The following TMEM108 variants were observed in gnomAD, a reference collection of about 807,000 sequenced individuals.
The protein encoded by TMEM108 is cancer/testis antigen 124.
A neutral mutation model predicts 35.1 loss-of-function variants in TMEM108; 12 were observed. The observed-to-expected ratio is 0.34, with a 90% CI of 0.22 to 0.55. The LOEUF (loss-of-function observed/expected upper bound fraction) is 0.55, where lower values mean the gene tolerates loss of function less well. Among genes scored for constraint, TMEM108 ranks in the 20% least tolerant of loss-of-function variants. The pLI is 0.89. For synonymous variants in TMEM108, 287 were observed against 308.6 expected (o/e 0.93, Z 0.73); for missense variants, 680 against 753.3 (o/e 0.90, Z 1.14).
At chr3:133,179,160 G>A (rs1362734247) in intron 2 of TMEM108, among the ~76,000 whole-genome samples, 1 of 150,738 alleles carries the variant, frequency 6.6e-6, no homozygotes, top group African/African-American at 2.4e-5. Context: ...GAAACAACAG[G>A]TGCTGGAGAG....
At chr3:133,090,936 T>C (rs1161343647) in intron 2 of TMEM108, among the ~76,000 whole-genome samples, 2 of 152,184 alleles carry the variant, frequency 1.3e-5, no homozygotes, top group African/African-American at 2.4e-5. Flanking sequence ...TTTTTTACTT[T>C]TATAAAAGTG....
At position 133,155,628 on chromosome 3, in the gene TMEM108, A is replaced by T. The variant is rs193081542; in HGVS notation, c.-46-73638A>T. Among the ~76,000 whole-genome samples the T allele has an allele frequency of 1.9e-3, 294 of 152,108 alleles. 2 individuals are homozygous for T. Among genetic ancestry groups the T allele is most frequent in the African/African-American group, 7.0e-3 (289 of 41,506 alleles). ...TCAGTGATATTGAGCATTTCTTCAT[A>T]TGCTTTTTGGCCACATGTATATCTT... On this transcript the variant is annotated intron_variant, in intron 2 of 5. Coordinates refer to ENST00000321871, the MANE Select transcript of TMEM108 (RefSeq NM_023943.4).
At chr3:133,352,660 G>A (rs1006813824) in intron 3 of TMEM108, among the ~76,000 whole-genome samples, 29 of 152,144 alleles carry the variant, frequency 1.9e-4, no homozygotes, top group African/African-American at 6.5e-4. Context: ...TATTAGAAAA[G>A]AATACAACTC....
intron 2 of TMEM108, among the ~76,000 whole-genome samples, chr3:133,154,670 A>G (rs1944851764): frequency 6.6e-6 from 1 of 151,718 alleles, no homozygotes; most frequent in Non-Finnish European, 1.5e-5. Flanking sequence ...ATGAGAACAC[A>G]TGGACACAGG....
chr3:133,115,506 G>A (rs557681022), intron 2 of TMEM108, among the ~76,000 whole-genome samples: 13 of 152,306 alleles, frequency 8.5e-5, no homozygotes, highest in African/African-American at 2.4e-4. Flanking sequence ...AAGCCAGTCA[G>A]CTAACAAGTT....
chr3:133,321,059 T>C (rs1470537128), intron 3 of TMEM108, among the ~76,000 whole-genome samples: 1 of 151,866 alleles, frequency 6.6e-6, no homozygotes, highest in Non-Finnish European at 1.5e-5. Context: ...TACACCAAAA[T>C]AGAATCTTCT....
chr3:133,386,786 G>T (rs1366821310), intron 4 of TMEM108: 7 of 983,540 alleles, frequency 7.1e-6, no homozygotes, highest in African/African-American at 1.7e-5. Context: ...CGGTGTTCAG[G>T]ACAATACAGG....
chr3:133,320,451 A>G (rs10935057), intron 3 of TMEM108, among the ~76,000 whole-genome samples: 48,745 of 151,200 alleles, frequency 0.32, 8,547 homozygotes, highest in East Asian at 0.49. Context: ...CTTGAAGACA[A>G]GTTTTTCAAG....
At chr3:133,355,325 A>G (rs1258828744) in intron 3 of TMEM108, among the ~76,000 whole-genome samples, 1 of 152,142 alleles carries the variant, frequency 6.6e-6, no homozygotes, top group Non-Finnish European at 1.5e-5. Flanking sequence ...TTATCTTAAT[A>G]TCTCTGAAAC....
chr3:133,095,675 C>T (rs931766150), intron 2 of TMEM108, among the ~76,000 whole-genome samples: 1 of 152,040 alleles, frequency 6.6e-6, no homozygotes, highest in Admixed American at 6.6e-5. Context: ...CCCTTGCATG[C>T]ACAATTCACA....
At chr3:133,334,089 G>T (rs755978120) in intron 3 of TMEM108, among the ~76,000 whole-genome samples, 1 of 152,096 alleles carries the variant, frequency 6.6e-6, no homozygotes, top group South Asian at 2.1e-4. Context: ...AGTGAGTTTC[G>T]TCAGTTAATA....
intron 2 of TMEM108, among the ~76,000 whole-genome samples, chr3:133,149,112 TA>T (rs1944761603): frequency 6.6e-6 from 1 of 152,142 alleles, no homozygotes; most frequent in South Asian, 2.1e-4. Context: ...TATTGCTCCA[TA>T]AAAGAATGAC....
intron 2 of TMEM108, among the ~76,000 whole-genome samples, chr3:133,108,644 T>C (rs1233380713): frequency 1.3e-5 from 2 of 152,138 alleles, no homozygotes; most frequent in Non-Finnish European, 2.9e-5. Flanking sequence ...TTTATCAATT[T>C]TGGCTTTTGT....
chr3:133,389,223 A>C (rs754668390), intron 4 of TMEM108: 27 of 985,566 alleles, frequency 2.7e-5, no homozygotes, highest in Non-Finnish European at 3.1e-5. Context: ...ATGGTTAATC[A>C]ACAATATCGA....
rs1351223066 is a variant in TMEM108 at position 133,096,093 on chromosome 3, T to C, written c.-47+50073T>C. On this transcript the variant is annotated intron_variant, in intron 2 of 5. Transcript: ENST00000321871. ...TCATCTTGATGTCTTAGACAGAATATTCGTATAGCACAGGTGGGCAGTGTT... is the reference window on the plus strand; with the variant it reads ...TCATCTTGATGTCTTAGACAGAATACTCGTATAGCACAGGTGGGCAGTGTT... Among the ~76,000 whole-genome samples, 4 of 152,280 alleles carry C rather than the reference T, an allele frequency of 2.6e-5. No homozygotes were observed. In the East Asian group the frequency reaches 7.7e-4, roughly 29 times the overall value.
At chr3:133,135,590 G>T (rs1944554355) in intron 2 of TMEM108, among the ~76,000 whole-genome samples, 1 of 152,168 alleles carries the variant, frequency 6.6e-6, no homozygotes, top group South Asian at 2.1e-4. Context: ...TTAGGCCGGG[G>T]ACTGGCATGA....
intron 3 of TMEM108, among the ~76,000 whole-genome samples, chr3:133,352,716 G>A (rs1220116895): frequency 6.6e-6 from 1 of 152,196 alleles, no homozygotes; most frequent in Admixed American, 6.5e-5. Context: ...GTATATGGGA[G>A]GGGCACAGAG....
intron 3 of TMEM108, among the ~76,000 whole-genome samples, chr3:133,318,611 G>A (rs1244891044): frequency 6.6e-6 from 1 of 152,150 alleles, no homozygotes; most frequent in East Asian, 1.9e-4. Context: ...CCAGATGAGG[G>A]TGCACTCAAC....
intron 2 of TMEM108, among the ~76,000 whole-genome samples, chr3:133,061,781 G>A (rs1189740070): frequency 3.3e-5 from 5 of 152,116 alleles, no homozygotes; most frequent in African/African-American, 1.2e-4. Flanking sequence ...ACTGGTGTGT[G>A]GAATATGTAA....
Sources: gnomAD v4.1 joint callset for allele counts (sites outside exome capture counted in the v4.1 genomes callset) on GRCh38, gnomAD v4.1.1 for gene constraint, MANE v1.5 for transcripts, NCBI Gene and HGNC (gene_info 2026-07-23, HGNC 2026-07-21) for gene names.